Variants in TBC1D5 observed in about 807,000 individuals in gnomAD.
The protein encoded by TBC1D5 is TBC1 domain family member 5.
Under a neutral mutation model 100.3 loss-of-function variants are expected in TBC1D5, and 75 were observed. The observed-to-expected ratio is 0.75, with a 90% CI of 0.62 to 0.91. The LOEUF (loss-of-function observed/expected upper bound fraction) is 0.91, where lower values mean the gene tolerates loss of function less well. TBC1D5 is among the 40% of genes least tolerant of loss of function. The probability of loss-of-function intolerance (pLI) is 0.00; values close to 1 mark genes in which losing one functional copy is unlikely to be tolerated. For synonymous variants in TBC1D5, 323 were observed against 325.6 expected (o/e 0.99, Z 0.09); for missense variants, 910 against 942.4 (o/e 0.97, Z 0.45).
At chr3:17,703,254 G>GT (rs1289429887) in intron 1 of TBC1D5, among the ~76,000 whole-genome samples, 7 of 151,106 alleles carry the variant, frequency 4.6e-5, no homozygotes, top group Non-Finnish European at 8.8e-5. Context: ...TTGTACATAT[G>GT]TTTTTTAGCT....
At chr3:17,669,008 T>C (rs1416051582) in intron 1 of TBC1D5, among the ~76,000 whole-genome samples, 1 of 152,168 alleles carries the variant, frequency 6.6e-6, no homozygotes. Flanking sequence ...TGGTTCTGTG[T>C]CCCCACCCAA....
In TBC1D5 at chr3:17,371,006, TCA is replaced by T. The variant is rs1234870051; in HGVS notation, c.995+1067_995+1068del. ...TTGTCTGTAGCAGTGCATAGATAAT[TCA>T]CATTTACTAAAATCACTATTTTTTA... On this transcript the variant is annotated intron_variant, in intron 13 of 21. Coordinates refer to ENST00000253692, the Ensembl canonical transcript of TBC1D5. Among the ~76,000 whole-genome samples the T allele has an allele frequency of 4.6e-5, 7 of 151,886 alleles. 1 individual carries two copies. The highest frequency in any genetic ancestry group is 1.7e-4 in the African/African-American group (7 of 41,330).
At chr3:17,494,566 TCC>T (rs2095680525) in intron 3 of TBC1D5, among the ~76,000 whole-genome samples, 1 of 151,958 alleles carries the variant, frequency 6.6e-6, no homozygotes, top group Non-Finnish European at 1.5e-5. Context: ...CACCAGGGGC[TCC>T]CCAGGGAGAT....
exon 22 of TBC1D5, chr3:17,157,195 T>C (rs1179229789): frequency 6.6e-6 from 1 of 152,240 alleles, no homozygotes; most frequent in African/African-American, 2.4e-5. Flanking sequence ...ATTATAACCA[T>C]ATTGAATGGG....
chr3:17,172,664 A>T (rs2067281326), intron 19 of TBC1D5, among the ~76,000 whole-genome samples: 1 of 152,236 alleles, frequency 6.6e-6, no homozygotes, highest in Admixed American at 6.5e-5. Flanking sequence ...CATTCACCTA[A>T]CAATCCCATG....
At chr3:17,403,693 G>C (rs1158394279) in intron 7 of TBC1D5, among the ~76,000 whole-genome samples, 4 of 152,090 alleles carry the variant, frequency 2.6e-5, no homozygotes, top group African/African-American at 9.7e-5. Context: ...AGGTTATATG[G>C]AAATACTTAT....
At chr3:17,550,055 T>G (rs951179691) in intron 2 of TBC1D5, among the ~76,000 whole-genome samples, 9 of 152,046 alleles carry the variant, frequency 5.9e-5, no homozygotes, top group African/African-American at 1.9e-4. Context: ...CTTCACAATC[T>G]CTAATGGTTT....
chr3:17,474,636 A>T (rs1270951852), intron 3 of TBC1D5, among the ~76,000 whole-genome samples: 1 of 152,198 alleles, frequency 6.6e-6, no homozygotes, highest in African/African-American at 2.4e-5. Context: ...TCACATAAAT[A>T]AAAACTTTAT....
intron 2 of TBC1D5, chr3:17,622,685 T>C (rs2062766257): frequency 6.6e-6 from 1 of 152,026 alleles, no homozygotes; most frequent in Non-Finnish European, 1.5e-5. Flanking sequence ...CAACATATAA[T>C]GGGATTCTCT....
intron 21 of TBC1D5, among the ~76,000 whole-genome samples, chr3:17,163,917 C>T (rs1430459222): frequency 6.6e-6 from 1 of 152,134 alleles, no homozygotes; most frequent in Non-Finnish European, 1.5e-5. Flanking sequence ...ACAGGGGACC[C>T]AAGTACCAAA....
intron 1 of TBC1D5, among the ~76,000 whole-genome samples, chr3:17,649,739 C>T (rs984712513): frequency 1.3e-5 from 2 of 152,008 alleles, no homozygotes; most frequent in Non-Finnish European, 2.9e-5. Flanking sequence ...GTGTGGCGAT[C>T]CCTCAAGAAT....
At chr3:17,207,131 A>C (rs969564721) in intron 18 of TBC1D5, among the ~76,000 whole-genome samples, 4 of 152,050 alleles carry the variant, frequency 2.6e-5, no homozygotes, top group African/African-American at 9.7e-5. Context: ...GTAGACATGG[A>C]GTCTCACTAT....
chr3:17,564,243 T>G (rs2096579750), intron 2 of TBC1D5, among the ~76,000 whole-genome samples: 1 of 152,196 alleles, frequency 6.6e-6, no homozygotes, highest in South Asian at 2.1e-4. Flanking sequence ...AAAAATATTT[T>G]TATCATTACT....
At position 17,578,965 on chromosome 3, in the gene TBC1D5, T is replaced by C. The variant is rs999445678; in HGVS notation, c.-36+44884A>G. Among the ~76,000 whole-genome samples the C allele has an allele frequency of 5.9e-5, 9 of 152,138 alleles. No homozygotes were observed. The South Asian group carries it at 8.3e-4, about 14-fold the overall frequency. On this transcript the variant is annotated intron_variant, in intron 2 of 21. Coordinates refer to ENST00000253692, the Ensembl canonical transcript of TBC1D5. ...GCAGAGGTTTCAAATATATTCCAAATAATTTGGGTTTTCAAAGAATCTTCA... is the reference window on the plus strand; with the variant it reads ...GCAGAGGTTTCAAATATATTCCAAACAATTTGGGTTTTCAAAGAATCTTCA...
chr3:17,269,367 C>G (rs115659122), intron 15 of TBC1D5, among the ~76,000 whole-genome samples: 1 of 152,002 alleles, frequency 6.6e-6, no homozygotes, highest in East Asian at 1.9e-4. Context: ...GTGGGACTGC[C>G]GATAGCAGAG....
chr3:17,662,868 G>GT (rs1454857080), intron 1 of TBC1D5: 1 of 152,094 alleles, frequency 6.6e-6, no homozygotes. Context: ...TAGAAACACA[G>GT]TATGTGTATA....
intron 3 of TBC1D5, among the ~76,000 whole-genome samples, chr3:17,495,073 C>T (rs866562891): frequency 8.5e-5 from 13 of 152,336 alleles, no homozygotes; most frequent in Non-Finnish European, 1.8e-4. Context: ...CTTTTCCTCA[C>T]TCTCCGTGGG....
chr3:17,606,430 G>A (rs1419190548), intron 2 of TBC1D5, among the ~76,000 whole-genome samples: 1 of 152,092 alleles, frequency 6.6e-6, no homozygotes, highest in African/African-American at 2.4e-5. Flanking sequence ...CTGGGCAACA[G>A]AGTGAAACCC....
chr3:17,397,093 C>T (rs2152381706), intron 8 of TBC1D5, among the ~76,000 whole-genome samples: 1 of 152,052 alleles, frequency 6.6e-6, no homozygotes, highest in South Asian at 2.1e-4. Flanking sequence ...CCACATATGC[C>T]TGGTATCTAC....
Sources: allele counts gnomAD v4.1 joint callset (sites outside exome capture counted in the v4.1 genomes callset), GRCh38; gene constraint gnomAD v4.1.1; transcripts MANE v1.5; gene names NCBI Gene and HGNC (gene_info 2026-07-23, HGNC 2026-07-21).